ANO4: variants seen among roughly 807,000 people sequenced by gnomAD.
ANO4 encodes anoctamin-4.
Under a neutral mutation model 141.9 loss-of-function variants are expected in ANO4, and 69 were observed. The ratio of observed to expected loss-of-function variants is 0.49; its 90% CI spans 0.40 to 0.59. ANO4 has a LOEUF of 0.59. ANO4 is among the 20% of genes least tolerant of loss of function. The pLI, the probability that ANO4 is intolerant of heterozygous loss-of-function variation, is 0.00. For missense variants in ANO4, 894 were observed against 1,162.2 expected, an observed-to-expected ratio of 0.77 and a Z score of 3.36; for synonymous variants, 350 against 394.3, an observed-to-expected ratio of 0.89 and a Z score of 1.33.
chr12:101,040,940 T>G (rs1209413623), intron 11 of ANO4, among the ~76,000 whole-genome samples: 1 of 152,180 alleles, frequency 6.6e-6, no homozygotes, highest in African/African-American at 2.4e-5. Context: ...AACTCATCCT[T>G]TTTTTGGCTG....
At chr12:101,078,454 A>G (rs886478040) in intron 14 of ANO4, among the ~76,000 whole-genome samples, 1 of 152,150 alleles carries the variant, frequency 6.6e-6, no homozygotes, top group African/African-American at 2.4e-5. Context: ...TCAATAATTC[A>G]TTTAAGTTGA....
chr12:100,865,265 A>C (rs749122874), intron 1 of ANO4, among the ~76,000 whole-genome samples: 5 of 152,046 alleles, frequency 3.3e-5, no homozygotes, highest in Non-Finnish European at 7.4e-5. Flanking sequence ...AAAAGTGTCT[A>C]TATTTCTCCG....
chr12:100,969,622 G>C (rs1027749997), intron 5 of ANO4, among the ~76,000 whole-genome samples: 1 of 152,072 alleles, frequency 6.6e-6, no homozygotes. Flanking sequence ...ACAATTTCCC[G>C]GAGTGCAAAT....
At chr12:101,094,322 C>A in intron 18 of ANO4, 30 bp downstream of exon 18, 2 of 1,581,408 alleles carry the variant, frequency 1.3e-6, no homozygotes, top group Non-Finnish European at 8.7e-7. Context: ...TTTCATAGAA[C>A]TGTACTGTGG....
intron 1 of ANO4, among the ~76,000 whole-genome samples, chr12:100,727,934 A>G (rs2031203606): frequency 6.6e-6 from 1 of 152,178 alleles, no homozygotes; most frequent in Non-Finnish European, 1.5e-5. Flanking sequence ...TTCTACACCT[A>G]TTCATTATAT....
At chr12:101,053,873 G>C (rs1453735434) in intron 14 of ANO4, among the ~76,000 whole-genome samples, 1 of 152,184 alleles carries the variant, frequency 6.6e-6, no homozygotes, top group Non-Finnish European at 1.5e-5. Flanking sequence ...ATGGCTTCAC[G>C]CTGTAAGCAA....
upstream of ANO4, among the ~76,000 whole-genome samples, chr12:100,791,784 C>A (rs536954249): frequency 2.0e-5 from 3 of 152,264 alleles, no homozygotes; most frequent in African/African-American, 7.2e-5. Flanking sequence ...TTTCAGCCTC[C>A]CTGAGCCCCA....
At chr12:101,073,180 C>T (rs1268168782) in intron 14 of ANO4, among the ~76,000 whole-genome samples, 1 of 152,088 alleles carries the variant, frequency 6.6e-6, no homozygotes, top group Non-Finnish European at 1.5e-5. Flanking sequence ...TTGGAACCAA[C>T]CCAAATGATA....
rs1426329248 is a variant in ANO4 at position 100,941,990 on chromosome 12, T to TATTATTATC, written c.298-381_298-380insATCATTATT. The stretch of plus-strand genomic sequence containing the variant: ...TTATTATTATTATTATTATTATTAT[T>TATTATTATC]ATTATTTTGAGATGGAGTCTCACTC... On this transcript the variant is annotated intron_variant, in intron 4 of 27. Coordinates refer to ENST00000392977, the MANE Select transcript of ANO4 (RefSeq NM_001286615.2). 3.7e-4 allele frequency among the ~76,000 whole-genome samples: 49 copies of TATTATTATC among 133,826 alleles called. No homozygotes were observed. In the East Asian group the frequency reaches 6.7e-3, roughly 18 times the overall value. 87.8% of individuals were successfully genotyped at this position (133,826 alleles called of 152,430 possible). A position where few individuals can be genotyped will look rare whatever the true frequency, so the allele number is the denominator to read the frequency against.
intron 2 of ANO4, among the ~76,000 whole-genome samples, chr12:100,915,054 C>T (rs2041275129): frequency 6.6e-6 from 1 of 152,098 alleles, no homozygotes; most frequent in Non-Finnish European, 1.5e-5. Flanking sequence ...CTTCTGGTCT[C>T]AAGCAGTCCT....
chr12:100,838,898 G>C (rs1363859082), intron 1 of ANO4, among the ~76,000 whole-genome samples: 2 of 152,148 alleles, frequency 1.3e-5, no homozygotes, highest in African/African-American at 4.8e-5. Flanking sequence ...GGAAGATGTG[G>C]ATGGAGGACT....
intron 1 of ANO4, among the ~76,000 whole-genome samples, chr12:100,826,320 C>G (rs1355374031): frequency 6.6e-6 from 1 of 151,956 alleles, no homozygotes; most frequent in Non-Finnish European, 1.5e-5. Context: ...GGTCATTGCT[C>G]ACAGAAAAAG....
At chr12:100,792,049 T>C (rs1306604059), upstream of ANO4, among the ~76,000 whole-genome samples, 1 of 151,962 alleles carries the variant, frequency 6.6e-6, no homozygotes, top group Non-Finnish European at 1.5e-5. Context: ...ATGTCAAAAA[T>C]GGAATTATGT....
At chr12:100,743,678 A>G (rs1284945930) in intron 3 of ANO4, among the ~76,000 whole-genome samples, 1 of 152,222 alleles carries the variant, frequency 6.6e-6, no homozygotes, top group Non-Finnish European at 1.5e-5. Context: ...AGTAAGTGTC[A>G]TAGAAAAAGA....
At chr12:101,025,729 C>A (rs938870961) in intron 9 of ANO4, among the ~76,000 whole-genome samples, 11 of 152,176 alleles carry the variant, frequency 7.2e-5, no homozygotes, top group African/African-American at 2.4e-4. Context: ...GGTAATACAT[C>A]ATGACCAAGT....
chr12:100,916,224 T>G (rs1021554552), intron 2 of ANO4, among the ~76,000 whole-genome samples: 1 of 152,208 alleles, frequency 6.6e-6, no homozygotes, highest in East Asian at 1.9e-4. Context: ...TGATTTTTAT[T>G]GTAAGCCCTT....
chr12:100,990,872 C>T (rs1181567722), intron 8 of ANO4, among the ~76,000 whole-genome samples: 1 of 151,970 alleles, frequency 6.6e-6, no homozygotes, highest in Non-Finnish European at 1.5e-5. Flanking sequence ...TGAACGAAGG[C>T]GTGAAATAGG....
chr12:100,969,818 C>T (rs2043839966), intron 5 of ANO4, among the ~76,000 whole-genome samples: 2 of 152,216 alleles, frequency 1.3e-5, no homozygotes, highest in African/African-American at 4.8e-5. Flanking sequence ...CAGTCCAGAT[C>T]AATCCTATAT....
At chr12:100,720,850 C>T (rs1489103938) in intron 1 of ANO4, among the ~76,000 whole-genome samples, 1 of 152,142 alleles carries the variant, frequency 6.6e-6, no homozygotes, top group African/African-American at 2.4e-5. Context: ...TTAATCTTCA[C>T]AGCAACTTTT....
Sources: allele counts gnomAD v4.1 joint callset (sites outside exome capture counted in the v4.1 genomes callset), GRCh38; gene constraint gnomAD v4.1.1; transcripts MANE v1.5; gene names NCBI Gene and HGNC (gene_info 2026-07-23, HGNC 2026-07-21).